Variants in PDE3B observed in about 807,000 individuals in gnomAD.
The protein encoded by PDE3B is phosphodiesterase 3B, also known as cGMP-inhibited 3',5'-cyclic phosphodiesterase 3B.
Under a neutral mutation model 116.8 loss-of-function variants are expected in PDE3B, and 66 were observed. The ratio of observed to expected loss-of-function variants is 0.56; its 90% confidence interval spans 0.46 to 0.69. The LOEUF is 0.69. Among genes scored for constraint, PDE3B ranks in the 30% least tolerant of loss-of-function variants. The pLI, the probability that PDE3B is intolerant of heterozygous loss-of-function variation, is 0.00. For missense variants in PDE3B, 1,384 were observed against 1,368.1 expected, an observed-to-expected ratio of 1.01 and a Z score of -0.18; for synonymous variants, 595 against 533.6, an observed-to-expected ratio of 1.12 and a Z score of -1.59.
At chr11:14,665,760 C>A (rs541889921) in intron 1 of PDE3B, among the ~76,000 whole-genome samples, 2 of 152,280 alleles carry the variant, frequency 1.3e-5, no homozygotes, top group East Asian at 1.9e-4. Context: ...GAACTACAAA[C>A]CACTGCTCAA....
chr11:14,673,569 G>A (rs1411560823), intron 1 of PDE3B: 2 of 533,782 alleles, frequency 3.7e-6, no homozygotes, highest in African/African-American at 3.8e-5. Flanking sequence ...ACATAAGTGA[G>A]TGAGAGCGCC....
At chr11:14,793,507 G>C (rs1383006405) in intron 4 of PDE3B, among the ~76,000 whole-genome samples, 1 of 152,126 alleles carries the variant, frequency 6.6e-6, no homozygotes, top group African/African-American at 2.4e-5. Context: ...GAATTTTGGA[G>C]CATTTTGGAT....
intron 3 of PDE3B, among the ~76,000 whole-genome samples, chr11:14,788,107 C>G (rs1858266342): frequency 6.6e-6 from 1 of 151,732 alleles, no homozygotes; most frequent in South Asian, 2.1e-4. Flanking sequence ...ATATAAGAAC[C>G]AGGAAGTAAC....
At chr11:14,663,596 CA>C (rs1278004758) in intron 1 of PDE3B, among the ~76,000 whole-genome samples, 2 of 151,686 alleles carry the variant, frequency 1.3e-5, no homozygotes, top group African/African-American at 4.8e-5. Context: ...CAATGGAAAA[CA>C]AAAAAAGGCA....
intron 1 of PDE3B, among the ~76,000 whole-genome samples, chr11:14,771,355 GA>G (rs1156358786): frequency 6.6e-6 from 1 of 151,510 alleles, no homozygotes; most frequent in Non-Finnish European, 1.5e-5. Context: ...AGAAGGGCAG[GA>G]AAAAAACTAG....
At chr11:14,816,485 G>A (rs1322171637) in intron 5 of PDE3B, among the ~76,000 whole-genome samples, 1 of 152,128 alleles carries the variant, frequency 6.6e-6, no homozygotes, top group Non-Finnish European at 1.5e-5. Flanking sequence ...CACTGCTTTA[G>A]TTTGAGGCAC....
At chr11:14,746,331 G>A (rs1033700433) in intron 1 of PDE3B, among the ~76,000 whole-genome samples, 25 of 152,148 alleles carry the variant, frequency 1.6e-4, no homozygotes, top group African/African-American at 5.8e-4. Context: ...GTTGCAGTGA[G>A]CCGAGATCGC....
At chr11:14,745,598 G>A (rs1856890880) in intron 1 of PDE3B, among the ~76,000 whole-genome samples, 2 of 152,158 alleles carry the variant, frequency 1.3e-5, no homozygotes, top group Admixed American at 6.5e-5. Flanking sequence ...ACAGCTACTA[G>A]TTAGCTGGAA....
intron 1 of PDE3B, among the ~76,000 whole-genome samples, chr11:14,734,659 A>G (rs1274304188): frequency 2.0e-5 from 3 of 152,204 alleles, no homozygotes; most frequent in Non-Finnish European, 4.4e-5. Flanking sequence ...AATATGTCAT[A>G]TAATTCTATT....
chr11:14,889,061 CT>C, the PDE3B span, among the ~76,000 whole-genome samples: 1 of 152,066 alleles, frequency 6.6e-6, no homozygotes, highest in Non-Finnish European at 1.5e-5. Context: ...TGAGGACTGG[CT>C]GTTTAACTTT....
At chr11:14,841,621 A>C (rs1298058753) in intron 11 of PDE3B, among the ~76,000 whole-genome samples, 1 of 146,202 alleles carries the variant, frequency 6.8e-6, no homozygotes, top group Non-Finnish European at 1.5e-5. Flanking sequence ...TAATTTGTGA[A>C]GGAAAGAGGC....
chr11:14,718,561 A>G (rs1221716419), intron 1 of PDE3B, among the ~76,000 whole-genome samples: 3 of 150,102 alleles, frequency 2.0e-5, no homozygotes, highest in South Asian at 2.1e-4. Context: ...CAGAAATTAT[A>G]GCAAACTATC....
chr11:14,858,804 A>C (rs747632790), intron 12 of PDE3B, among the ~76,000 whole-genome samples: 4 of 152,114 alleles, frequency 2.6e-5, no homozygotes, highest in Non-Finnish European at 4.4e-5. Flanking sequence ...AAGATATATA[A>C]CCCTTTCACT....
chr11:14,665,380 C>G (rs565577920), intron 1 of PDE3B, among the ~76,000 whole-genome samples: 1 of 152,304 alleles, frequency 6.6e-6, no homozygotes, highest in South Asian at 2.1e-4. Context: ...CTGTCTCTCA[C>G]CACTCCTATT....
At chr11:14,839,310 C>G (rs1013596731) in intron 11 of PDE3B, among the ~76,000 whole-genome samples, 2 of 152,174 alleles carry the variant, frequency 1.3e-5, no homozygotes, top group Non-Finnish European at 2.9e-5. Context: ...CAGGAATTGC[C>G]TCATTCTGGC....
chr11:14,880,154 G>A, the PDE3B span: 2 of 1,612,676 alleles, frequency 1.2e-6, no homozygotes, highest in Non-Finnish European at 1.7e-6. Context: ...TTAGGATAAA[G>A]GGCCATGAAA....
intron 4 of PDE3B, among the ~76,000 whole-genome samples, chr11:14,792,133 A>G (rs1335513905): frequency 3.9e-5 from 6 of 152,134 alleles, no homozygotes; most frequent in Non-Finnish European, 5.9e-5. Flanking sequence ...CCTAGTGTAG[A>G]ATGTGAAACC....
intron 1 of PDE3B, among the ~76,000 whole-genome samples, chr11:14,732,156 A>G (rs959439354): frequency 6.6e-6 from 1 of 152,176 alleles, no homozygotes; most frequent in African/African-American, 2.4e-5. Context: ...AGAATGCAGC[A>G]TGTCTGACAC....
chr11:14,685,589 G>A (rs981777836), intron 1 of PDE3B, among the ~76,000 whole-genome samples: 2 of 151,226 alleles, frequency 1.3e-5, no homozygotes, highest in Non-Finnish European at 2.9e-5. Context: ...CCAAGTAGCT[G>A]GGATTACAGA....
Sources: gnomAD v4.1 joint callset for allele counts (sites outside exome capture counted in the v4.1 genomes callset) on GRCh38, gnomAD v4.1.1 for gene constraint, MANE v1.5 for transcripts, NCBI Gene and HGNC (gene_info 2026-07-23, HGNC 2026-07-21) for gene names.